RGS7: variants seen among roughly 807,000 people sequenced by gnomAD.
The protein encoded by RGS7 is regulator of G-protein signaling 7.
In RGS7, 27 loss-of-function variants were observed where a neutral mutation model predicts 81.1. That is an observed-to-expected ratio of 0.33 (90% confidence interval 0.25 to 0.46). The LOEUF is 0.46. Ranked by LOEUF, RGS7 falls within the 20% of genes least tolerant of loss-of-function variation. The pLI is 1.00. For missense variants in RGS7, 396 were observed against 607.4 expected, an observed-to-expected ratio of 0.65 and a Z score of 3.66; for synonymous variants, 208 against 207.7, an observed-to-expected ratio of 1.00 and a Z score of -0.01.
At position 240,892,003 on chromosome 1, in the gene RGS7, C is replaced by A. The variant is rs191041542; in HGVS notation, c.386-21884G>T. On this transcript the variant is annotated intron_variant, in intron 6 of 18. Transcript: ENST00000440928. ...AAGTTCTGAGAAGACCCCAGAGACT[C>A]TGAGAGGACGGGAGGATCTTATCAT... Among the ~76,000 whole-genome samples the A allele has an allele frequency of 4.5e-3, 689 of 152,280 alleles. 3 individuals are homozygous for A. The highest frequency in any genetic ancestry group is 0.016 in the African/African-American group (649 of 41,570).
chr1:240,954,495 T>C (rs535976067), intron 4 of RGS7, among the ~76,000 whole-genome samples: 47 of 152,194 alleles, frequency 3.1e-4, no homozygotes, highest in African/African-American at 1.1e-3. Context: ...TGAAAACTTA[T>C]ACGATCATAT....
intron 4 of RGS7, among the ~76,000 whole-genome samples, chr1:240,965,656 T>G (rs1213990790): frequency 1.3e-5 from 2 of 152,150 alleles, no homozygotes; most frequent in African/African-American, 2.4e-5. Flanking sequence ...CACTTCACAC[T>G]CCACTGTTTG....
chr1:241,312,762 A>G (rs2080623845), intron 2 of RGS7, among the ~76,000 whole-genome samples: 1 of 152,236 alleles, frequency 6.6e-6, no homozygotes, highest in East Asian at 1.9e-4. Flanking sequence ...AGTAAAAGGA[A>G]GAGTCACACA....
At chr1:240,980,963 A>G (rs1684825805) in intron 4 of RGS7, among the ~76,000 whole-genome samples, 1 of 152,226 alleles carries the variant, frequency 6.6e-6, no homozygotes, top group Admixed American at 6.5e-5. Flanking sequence ...AGCAAATAAA[A>G]TCAGTTTTCC....
At chr1:240,980,684 T>C (rs889727614) in intron 4 of RGS7, among the ~76,000 whole-genome samples, 2 of 152,200 alleles carry the variant, frequency 1.3e-5, no homozygotes, top group African/African-American at 4.8e-5. Flanking sequence ...AGCCACCAGA[T>C]TGATTCATTT....
intron 3 of RGS7, among the ~76,000 whole-genome samples, chr1:240,987,703 T>G (rs1431502139): frequency 7.9e-6 from 1 of 126,712 alleles, no homozygotes; most frequent in African/African-American, 2.5e-5. Context: ...TTTTTAATTA[T>G]TATTTTTTGG....
chr1:241,076,548 C>G (rs9428494), intron 3 of RGS7, among the ~76,000 whole-genome samples: 4,090 of 152,088 alleles, frequency 0.027, 185 homozygotes, highest in African/African-American at 0.093. Context: ...GTTTAAATTC[C>G]CAGTGATATT....
intron 2 of RGS7, among the ~76,000 whole-genome samples, chr1:241,193,318 T>C (rs12025118): frequency 0.82 from 124,595 of 152,208 alleles, 51,073 homozygotes; most frequent in Admixed American, 0.85. Flanking sequence ...GAAGATGGTC[T>C]TGAGTATCCC....
chr1:241,210,026 T>C (rs1573145695), intron 2 of RGS7, among the ~76,000 whole-genome samples: 1 of 152,142 alleles, frequency 6.6e-6, no homozygotes, highest in Admixed American at 6.6e-5. Context: ...TCTTAGAGAA[T>C]AGGGTCCAGA....
intron 6 of RGS7, among the ~76,000 whole-genome samples, chr1:240,870,412 T>C (rs1424560463): frequency 6.6e-6 from 1 of 152,142 alleles, no homozygotes; most frequent in Non-Finnish European, 1.5e-5. Context: ...AGATCCTTGT[T>C]CACTGCAGCC....
chr1:241,158,909 A>G (rs2069398904), intron 2 of RGS7, among the ~76,000 whole-genome samples: 1 of 152,184 alleles, frequency 6.6e-6, no homozygotes, highest in South Asian at 2.1e-4. Context: ...AAAATCATAA[A>G]AATCAATTTT....
intron 6 of RGS7, among the ~76,000 whole-genome samples, chr1:240,923,095 G>A (rs1213632291): frequency 6.6e-6 from 1 of 151,984 alleles, no homozygotes; most frequent in Admixed American, 6.6e-5. Flanking sequence ...AGAAGAAAAG[G>A]CTCTACACTG....
chr1:241,048,325 C>A (rs563594882), intron 3 of RGS7, among the ~76,000 whole-genome samples: 1 of 152,130 alleles, frequency 6.6e-6, no homozygotes, highest in South Asian at 2.1e-4. Context: ...AATCTTATAC[C>A]CTCCTAAGAA....
intron 4 of RGS7, among the ~76,000 whole-genome samples, chr1:240,969,389 G>A (rs1682849768): frequency 6.6e-6 from 1 of 152,164 alleles, no homozygotes; most frequent in Non-Finnish European, 1.5e-5. Context: ...TTTGGTCTGT[G>A]TAGCCATGTT....
chr1:240,880,138 C>A (rs12760014), intron 6 of RGS7, among the ~76,000 whole-genome samples: 67,830 of 152,008 alleles, frequency 0.45, 15,648 homozygotes, highest in East Asian at 0.53. Flanking sequence ...ACCTCCTGGG[C>A]TTAAGTAATC....
intron 6 of RGS7, among the ~76,000 whole-genome samples, chr1:240,907,702 A>C (rs1671047741): frequency 6.6e-6 from 1 of 152,206 alleles, no homozygotes; most frequent in Non-Finnish European, 1.5e-5. Flanking sequence ...GATAACTTCA[A>C]TGTTTGATCA....
chr1:240,845,075 C>A (rs1403121719), intron 9 of RGS7, among the ~76,000 whole-genome samples: 1 of 152,176 alleles, frequency 6.6e-6, no homozygotes, highest in African/African-American at 2.4e-5. Context: ...CAGATGAGCA[C>A]ATGAAATTAT....
intron 3 of RGS7, among the ~76,000 whole-genome samples, chr1:241,089,893 C>T (rs1312795417): frequency 6.7e-6 from 1 of 149,700 alleles, no homozygotes; most frequent in Non-Finnish European, 1.5e-5. Flanking sequence ...ACTCGGGAGG[C>T]TGAGGCAGGA....
intron 6 of RGS7, among the ~76,000 whole-genome samples, chr1:240,907,325 T>C (rs1198375639): frequency 6.6e-6 from 1 of 152,070 alleles, no homozygotes; most frequent in African/African-American, 2.4e-5. Context: ...AATAAAATAG[T>C]ATAAATCTCC....
Sources: allele counts gnomAD v4.1 joint callset (sites outside exome capture counted in the v4.1 genomes callset), GRCh38; gene constraint gnomAD v4.1.1; transcripts MANE v1.5; gene names NCBI Gene and HGNC (gene_info 2026-07-23, HGNC 2026-07-21).